Variants in SND1 observed in about 807,000 individuals in gnomAD.
The protein encoded by SND1 is staphylococcal nuclease domain-containing protein 1.
A neutral mutation model predicts 121.7 loss-of-function variants in SND1; 38 were observed. The ratio of observed to expected loss-of-function variants is 0.31; its 90% confidence interval spans 0.24 to 0.41. SND1 has a LOEUF of 0.41. SND1 is among the 10% of genes least tolerant of loss of function. The pLI is 1.00. For missense variants in SND1, 868 were observed against 1,184.6 expected, an observed-to-expected ratio of 0.73 and a Z score of 3.92; for synonymous variants, 401 against 447.4, an observed-to-expected ratio of 0.90 and a Z score of 1.31.
At chr7:127,799,959 T>C (rs1350631737) in intron 10 of SND1, among the ~76,000 whole-genome samples, 1 of 152,240 alleles carries the variant, frequency 6.6e-6, no homozygotes, top group Non-Finnish European at 1.5e-5. Context: ...ACCTTCCTCC[T>C]GCTGCTAGCT....
chr7:127,778,976 C>T (rs554296767), intron 10 of SND1, among the ~76,000 whole-genome samples: 1 of 152,222 alleles, frequency 6.6e-6, no homozygotes, highest in South Asian at 2.1e-4. Context: ...TTTTGAGTTG[C>T]CTATTCTTAA....
At chr7:127,834,610 TG>T (rs1798831449) in intron 11 of SND1, among the ~76,000 whole-genome samples, 1 of 152,176 alleles carries the variant, frequency 6.6e-6, no homozygotes, top group South Asian at 2.1e-4. Flanking sequence ...AATAGAGGGA[TG>T]GTGTGGTATG....
chr7:127,954,529 GCCCTCTCTCTCTTTC>G (rs1177839577), intron 15 of SND1, among the ~76,000 whole-genome samples: 1 of 152,020 alleles, frequency 6.6e-6, no homozygotes, highest in Non-Finnish European at 1.5e-5. Context: ...GTATGGAGCA[GCCCTCTCTCTCTTTC>G]CCTGGAAGCT....
chr7:127,832,700 G>T (rs1281857435), intron 11 of SND1, among the ~76,000 whole-genome samples: 1 of 152,194 alleles, frequency 6.6e-6, no homozygotes, highest in Non-Finnish European at 1.5e-5. Flanking sequence ...TGGTAGACAT[G>T]CAGCTTGTGC....
chr7:127,841,904 GTGT>G (rs1486950086), intron 11 of SND1, among the ~76,000 whole-genome samples: 2 of 152,092 alleles, frequency 1.3e-5, no homozygotes, highest in South Asian at 2.1e-4. Context: ...CTTACTTTCT[GTGT>G]TGTTGTGCTA....
intron 16 of SND1, among the ~76,000 whole-genome samples, chr7:128,032,335 C>T (rs1045742600): frequency 2.0e-5 from 3 of 151,278 alleles, no homozygotes; most frequent in Non-Finnish European, 4.4e-5. Context: ...CTCCCCGGGC[C>T]GCTTCCTCCC....
intron 1 of SND1, among the ~76,000 whole-genome samples, chr7:127,676,940 C>T (rs1013235499): frequency 6.6e-6 from 1 of 152,208 alleles, no homozygotes; most frequent in Admixed American, 6.5e-5. Flanking sequence ...TGGGGTTTCA[C>T]CTTCTTGGCC....
At chr7:128,059,824 GCA>G (rs987824741) in intron 16 of SND1, among the ~76,000 whole-genome samples, 1 of 152,210 alleles carries the variant, frequency 6.6e-6, no homozygotes, top group African/African-American at 2.4e-5. Context: ...GCCCTGCCAA[GCA>G]CAGTCTTCCC....
chr7:127,976,075 G>A (rs1802113232), intron 15 of SND1, among the ~76,000 whole-genome samples: 1 of 152,016 alleles, frequency 6.6e-6, no homozygotes, highest in Non-Finnish European at 1.5e-5. Context: ...CTATTTCCTT[G>A]GGTGAGTGAG....
At chr7:127,952,452 C>G (rs1364677398) in intron 15 of SND1, among the ~76,000 whole-genome samples, 2 of 152,138 alleles carry the variant, frequency 1.3e-5, no homozygotes, top group African/African-American at 2.4e-5. Context: ...ATTGATGGAA[C>G]AAGCTCAGGG....
At chr7:128,077,925 T>C (rs322830) in intron 17 of SND1, among the ~76,000 whole-genome samples, 108,987 of 152,204 alleles carry the variant, frequency 0.72, 40,515 homozygotes, top group African/African-American at 0.91. Flanking sequence ...AACTACTGTT[T>C]CTTCTGGAGT....
intron 10 of SND1, among the ~76,000 whole-genome samples, chr7:127,788,868 A>G (rs1459021417): frequency 6.6e-6 from 1 of 152,148 alleles, no homozygotes; most frequent in Non-Finnish European, 1.5e-5. Context: ...CCATCCTTCA[A>G]GACTTAGCTC....
intron 12 of SND1, among the ~76,000 whole-genome samples, chr7:127,880,141 C>T (rs1799763789): frequency 6.6e-6 from 1 of 152,184 alleles, no homozygotes; most frequent in Non-Finnish European, 1.5e-5. Context: ...TATGAATCAT[C>T]GCTTTCTCCA....
chr7:128,062,685 G>T (rs976587382), intron 16 of SND1, among the ~76,000 whole-genome samples: 20 of 152,248 alleles, frequency 1.3e-4, no homozygotes, highest in Non-Finnish European at 2.6e-4. Context: ...CTTTTGCCAA[G>T]AAATCAGATG....
At chr7:128,004,800 T>G (rs982619534) in intron 16 of SND1, among the ~76,000 whole-genome samples, 2 of 152,238 alleles carry the variant, frequency 1.3e-5, no homozygotes, top group Non-Finnish European at 2.9e-5. Context: ...TACATAGAGT[T>G]TGCAATCTTG....
At chr7:127,918,263 A>G (rs1367975083) in intron 14 of SND1, among the ~76,000 whole-genome samples, 1 of 151,032 alleles carries the variant, frequency 6.6e-6, no homozygotes, top group African/African-American at 2.4e-5. Flanking sequence ...AAGGGCTTTC[A>G]CCGTGTTGGC....
intron 15 of SND1, among the ~76,000 whole-genome samples, chr7:127,934,257 A>G (rs1181642690): frequency 2.6e-5 from 4 of 152,296 alleles, no homozygotes; most frequent in Non-Finnish European, 5.9e-5. Context: ...ATCTGCATGG[A>G]TCTGGGCAAC....
At chr7:128,026,239 G>A (rs765489200) in intron 16 of SND1, among the ~76,000 whole-genome samples, 1 of 152,118 alleles carries the variant, frequency 6.6e-6, no homozygotes, top group Non-Finnish European at 1.5e-5. Flanking sequence ...CTTTTTATTG[G>A]GGGTATGGTG....
intron 10 of SND1, among the ~76,000 whole-genome samples, chr7:127,796,099 C>T (rs181637367): frequency 1.6e-3 from 247 of 151,648 alleles, no homozygotes; most frequent in Non-Finnish European, 2.8e-3. Flanking sequence ...CCTTGTGATC[C>T]GCCCTCCTTG....
Sources: gnomAD v4.1 joint callset for allele counts (sites outside exome capture counted in the v4.1 genomes callset) on GRCh38, gnomAD v4.1.1 for gene constraint, MANE v1.5 for transcripts, NCBI Gene and HGNC (gene_info 2026-07-23, HGNC 2026-07-21) for gene names.